TMPRSS15: variants seen among roughly 807,000 people sequenced by gnomAD.
TMPRSS15 encodes the protein transmembrane serine protease 15.
TMPRSS15 carries 128 observed loss-of-function variants against 125.3 expected under a neutral mutation model. That is an observed-to-expected ratio of 1.02 (90% CI 0.89 to 1.18). TMPRSS15 has a LOEUF of 1.18. Among genes scored for constraint, TMPRSS15 ranks in the 50% most tolerant of loss-of-function variants. The probability of loss-of-function intolerance (pLI) is 0.00; values close to 1 mark genes in which losing one functional copy is unlikely to be tolerated. For missense variants in TMPRSS15, 1,283 were observed against 1,212.7 expected (o/e 1.06, Z -0.86); for synonymous variants, 446 against 423.2 (o/e 1.05, Z -0.66).
At position 18,403,503 on chromosome 21, in the gene TMPRSS15, G is replaced by T. The variant is rs748484441; in HGVS notation, c.120C>A (p.Cys40Ter). Reference sequence around the variant, plus strand: ...CTCGTTGGGATTCCTTGATTGTCAGGCAGGATACTGCAATTAATCCAGCAC... The same window carrying T: ...CTCGTTGGGATTCCTTGATTGTCAGTCAGGATACTGCAATTAATCCAGCAC... ...VLCAGLIAVS[C>*]LTIKESQRGA... The change falls in exon 1 of 25, where the codon TGC (cysteine) becomes TGA (stop). Residue 40 changes from cysteine (C) to a stop codon, truncating the protein, a stop_gained. Coordinates refer to ENST00000284885, the MANE Select transcript of TMPRSS15 (RefSeq NM_002772.3). LOFTEE classifies it high-confidence loss of function. 5 of 1,614,132 alleles carry T rather than the reference G, an allele frequency of 3.1e-6. No homozygotes were observed. Among genetic ancestry groups the T allele is most frequent in the East Asian group, 4.5e-5 (2 of 44,870 alleles).
At chr21:18,296,757 C>T (rs2074912519) in intron 19 of TMPRSS15, among the ~76,000 whole-genome samples, 1 of 152,164 alleles carries the variant, frequency 6.6e-6, no homozygotes, top group South Asian at 2.1e-4. Context: ...TAGAAGCCTG[C>T]TTTCTCATTT....
At chr21:18,338,424 A>C (rs2075414120) in intron 13 of TMPRSS15, among the ~76,000 whole-genome samples, 1 of 152,162 alleles carries the variant, frequency 6.6e-6, no homozygotes, top group African/African-American at 2.4e-5. Flanking sequence ...AGGAATAATT[A>C]CTATTTATCA....
rs149067766 is a variant in TMPRSS15 at position 18,323,099 on chromosome 21, C to G, written c.1921+3333G>C. Among the ~76,000 whole-genome samples the G allele has an allele frequency of 6.1e-3, 922 of 152,196 alleles. 6 individuals are homozygous for G. The highest frequency in any genetic ancestry group is 0.011 in the Non-Finnish European group (735 of 68,006). The stretch of plus-strand genomic sequence containing the variant: ...TGTCTTCCTTTTGACAATCCATTTT[C>G]CTCTTTTCAAGTCTTTTCTCCTTTC... On this transcript the variant is annotated intron_variant, in intron 16 of 24. Coordinates refer to ENST00000284885, the MANE Select transcript of TMPRSS15 (RefSeq NM_002772.3).
rs778324871 is a variant in TMPRSS15 at position 18,275,232 on chromosome 21, C to T, written c.2869G>A (p.Ala957Thr). The T allele has an allele frequency of 1.9e-6, 3 of 1,614,052 alleles. No individual in the cohort carries two copies. Among genetic ancestry groups the T allele is most frequent in the South Asian group, 2.2e-5 (2 of 91,086 alleles). The change falls in exon 24 of 25, where the codon GCA becomes ACA. Residue 957 changes from alanine to threonine, a missense_variant. Physicochemically the swap from Ala to Thr is moderately conservative, Grantham distance 58. Coordinates refer to ENST00000284885, the MANE Select transcript of TMPRSS15 (RefSeq NM_002772.3). ...TCTATTCCTCCTTCTTCATAGCCTG[C>T]ACATATCATATTTTCAGTAATGTTA... ...EYNITENMIC[A>T]GYEEGGIDSC...
At chr21:18,482,308 T>C (rs901448402) in intron 1 of TMPRSS15, among the ~76,000 whole-genome samples, 3 of 151,538 alleles carry the variant, frequency 2.0e-5, no homozygotes, top group African/African-American at 7.3e-5. Context: ...CTTCTAAAAA[T>C]AGTATCTTAA....
intron 21 of TMPRSS15, among the ~76,000 whole-genome samples, chr21:18,291,315 C>T (rs1037215303): frequency 2.0e-5 from 3 of 152,184 alleles, no homozygotes; most frequent in Non-Finnish European, 4.4e-5. Flanking sequence ...GAAGGTTGGC[C>T]CACACTTCCA....
At chr21:18,353,487 T>C (rs2075592618) in intron 9 of TMPRSS15, among the ~76,000 whole-genome samples, 1 of 151,916 alleles carries the variant, frequency 6.6e-6, no homozygotes. Context: ...AAAATTTTAA[T>C]TTGATTTTAT....
chr21:18,452,736 T>C (rs1978365044), intron 1 of TMPRSS15, among the ~76,000 whole-genome samples: 1 of 142,646 alleles, frequency 7.0e-6, no homozygotes, highest in Non-Finnish European at 1.5e-5. Flanking sequence ...AACTAATCGA[T>C]GACAATTTCA....
intron 3 of TMPRSS15, among the ~76,000 whole-genome samples, chr21:18,389,449 G>C (rs1040788696): frequency 1.3e-5 from 2 of 152,066 alleles, no homozygotes; most frequent in Non-Finnish European, 2.9e-5. Flanking sequence ...ATTTATCAAG[G>C]TTTGAGCACT....
At chr21:18,271,386 T>TAGAC (rs1053862145) in intron 24 of TMPRSS15, among the ~76,000 whole-genome samples, 3 of 152,194 alleles carry the variant, frequency 2.0e-5, no homozygotes, top group African/African-American at 7.2e-5. Context: ...AATTTTTTAA[T>TAGAC]AGACAAGAGG....
At chr21:18,409,168 T>C (rs1032299445) in intron 1 of TMPRSS15, among the ~76,000 whole-genome samples, 1 of 152,048 alleles carries the variant, frequency 6.6e-6, no homozygotes, top group Non-Finnish European at 1.5e-5. Flanking sequence ...TTTTTTTTTC[T>C]GCCACTGAAC....
At chr21:18,473,886 G>T (rs1299058109) in intron 1 of TMPRSS15, among the ~76,000 whole-genome samples, 1 of 151,914 alleles carries the variant, frequency 6.6e-6, no homozygotes, top group Non-Finnish European at 1.5e-5. Flanking sequence ...TCACTTTATT[G>T]ATATAATTTA....
intron 1 of TMPRSS15, among the ~76,000 whole-genome samples, chr21:18,454,645 G>A (rs1346062997): frequency 1.3e-5 from 2 of 152,086 alleles, no homozygotes; most frequent in Admixed American, 1.3e-4. Flanking sequence ...AAGTGCCAGA[G>A]TCTAAAGGCT....
intron 13 of TMPRSS15, among the ~76,000 whole-genome samples, chr21:18,339,077 T>A (rs2075422263): frequency 6.6e-6 from 1 of 152,172 alleles, no homozygotes; most frequent in African/African-American, 2.4e-5. Flanking sequence ...ATACATTGCT[T>A]CAAATATTTA....
chr21:18,379,333 A>G lies in TMPRSS15; in HGVS notation c.497-15T>C. ...TGTTAGCTTGTCTGAAAAATAAATTATATTAAAATAATTATTACCTATTTT... is the reference window on the plus strand; with the variant it reads ...TGTTAGCTTGTCTGAAAAATAAATTGTATTAAAATAATTATTACCTATTTT... On this transcript the variant is annotated splice_polypyrimidine_tract_variant and intron_variant, in intron 4 of 24. Transcript: ENST00000284885. The G allele has an allele frequency of 8.0e-7, 1 of 1,244,718 alleles. No individual in the cohort carries two copies. The highest frequency in any genetic ancestry group is 1.1e-6 in the Non-Finnish European group (1 of 937,170). 77.1% of individuals were successfully genotyped at this position (1,244,718 alleles called of 1,614,324 possible).
At chr21:18,299,302 T>C (rs1414002389) in intron 18 of TMPRSS15, among the ~76,000 whole-genome samples, 1 of 152,236 alleles carries the variant, frequency 6.6e-6, no homozygotes, top group Non-Finnish European at 1.5e-5. Context: ...CTCCAGATCA[T>C]GAAGAACTTC....
chr21:18,290,107 C>G (rs537926512), intron 21 of TMPRSS15, among the ~76,000 whole-genome samples: 12 of 152,094 alleles, frequency 7.9e-5, no homozygotes, highest in Non-Finnish European at 1.6e-4. Flanking sequence ...ACATCAATAG[C>G]TTGTGGATAA....
intron 16 of TMPRSS15, among the ~76,000 whole-genome samples, chr21:18,318,182 G>A: frequency 6.6e-6 from 1 of 152,188 alleles, no homozygotes. Flanking sequence ...CTGCCTGGCA[G>A]GGAAGCCCGG....
chr21:18,464,016 T>C (rs1273994247), intron 1 of TMPRSS15, among the ~76,000 whole-genome samples: 1 of 151,108 alleles, frequency 6.6e-6, no homozygotes, highest in Non-Finnish European at 1.5e-5. Context: ...CTACTAAAAA[T>C]ACAAAAAATT....
Sources: gnomAD v4.1 joint callset for allele counts (sites outside exome capture counted in the v4.1 genomes callset) on GRCh38, gnomAD v4.1.1 for gene constraint, MANE v1.5 for transcripts, NCBI Gene and HGNC (gene_info 2026-07-23, HGNC 2026-07-21) for gene names.